The following CYP46A1 variants were observed in gnomAD, a reference collection of about 807,000 sequenced individuals.
The protein encoded by CYP46A1 is cytochrome P450 family 46 subfamily A member 1.
A neutral mutation model predicts 63.3 loss-of-function variants in CYP46A1; 20 were observed. The observed-to-expected ratio is 0.32, with a 90% confidence interval of 0.22 to 0.46. The LOEUF (loss-of-function observed/expected upper bound fraction) is 0.46. Ranked by LOEUF, CYP46A1 falls within the 20% of genes least tolerant of loss-of-function variation. The pLI, the probability that CYP46A1 is intolerant of heterozygous loss-of-function variation, is 1.00. For synonymous variants in CYP46A1, 268 were observed against 273.6 expected, an observed-to-expected ratio of 0.98 and a Z score of 0.20; for missense variants, 445 against 670.8, an observed-to-expected ratio of 0.66 and a Z score of 3.72.
intron 1 of CYP46A1, among the ~76,000 whole-genome samples, chr14:99,688,799 G>A (rs953258121): frequency 6.6e-6 from 1 of 151,972 alleles, no homozygotes; most frequent in Non-Finnish European, 1.5e-5. Context: ...CTTGCTGGGG[G>A]CTCGGTTCCC....
chr14:99,703,775 A>G, intron 5 of CYP46A1: 2 of 963,986 alleles, frequency 2.1e-6, no homozygotes, highest in Non-Finnish European at 2.5e-6. Flanking sequence ...TCCTGCGCCC[A>G]GCACCAGGCA....
At chr14:99,717,955 C>A (rs2056806531) in intron 9 of CYP46A1, 99 bp from the exon 10 acceptor site, 1 of 916,384 alleles carries the variant, frequency 1.1e-6, no homozygotes, top group Non-Finnish European at 1.7e-6. Context: ...GGGCACATGC[C>A]ATTTACATGC....
At chr14:99,720,632 T>A (rs2056837531) in intron 10 of CYP46A1, among the ~76,000 whole-genome samples, 1 of 152,062 alleles carries the variant, frequency 6.6e-6, no homozygotes, top group Admixed American at 6.5e-5. Context: ...CGAATTTTTG[T>A]ACTTTTAGTA....
At position 99,700,064 on chromosome 14, in the gene CYP46A1, A is replaced by G; in HGVS notation, c.406A>G (p.Lys136Glu). The stretch of plus-strand genomic sequence containing the variant: ...CGAATGCAACTATGAGCGCTGGCAC[A>G]AGCAGCGGAGAGTCATAGACCTGGC... ...VSECNYERWH[K>E]QRRVIDLAFS... is the part of the protein sequence containing the mutation. The change falls in exon 5 of 15, where the codon AAG becomes GAG. Residue 136 changes from lysine (K) to glutamate (E), a missense_variant. This residue lies in a region of CYP46A1 where 252 missense variants were observed against 383.3 expected (regional missense o/e 0.66). Coordinates refer to ENST00000261835, the MANE Select transcript of CYP46A1 (RefSeq NM_006668.2). The G allele has an allele frequency of 6.3e-7, 1 of 1,596,070 alleles. No individual in the cohort carries two copies. The highest frequency in any genetic ancestry group is 8.5e-7 in the Non-Finnish European group (1 of 1,169,868).
At position 99,691,792 on chromosome 14, in the gene CYP46A1, T is replaced by C. The variant is rs2056545731; in HGVS notation, c.213T>C (p.Tyr71=). The change falls in exon 3 of 15, where the codon TAT becomes TAC. Residue 71 remains tyrosine, a synonymous_variant. Coordinates refer to ENST00000261835, the MANE Select transcript of CYP46A1 (RefSeq NM_006668.2). The part of the protein sequence containing the change: ...QDVFLDWAKK[Y]GPVVRVNVFH... The stretch of plus-strand genomic sequence containing the variant: ...CTTTGGTTTCCAGGGCTAAGAAGTA[T>C]GGACCTGTTGTGCGGGTCAACGTCT... 6.2e-7 allele frequency: 1 copy of C among 1,614,214 alleles called. No homozygotes were observed. The highest frequency in any genetic ancestry group is 8.5e-7 in the Non-Finnish European group (1 of 1,180,034).
rs190681095 is a variant in CYP46A1 at position 99,721,139 on chromosome 14, G to A, written c.981-100G>A. The stretch of plus-strand genomic sequence containing the variant: ...TGTTTGTGAGTGGGGAGCCCCATGC[G>A]TCTCTCTTCACGCTTCCTTCCAGTG... On this transcript the variant is annotated intron_variant, in intron 10 of 14. Coordinates refer to ENST00000261835, the MANE Select transcript of CYP46A1 (RefSeq NM_006668.2). 458 of 808,212 alleles carry A rather than the reference G, an allele frequency of 5.7e-4. 2 individuals are homozygous for A. The East Asian group carries it at 0.011, about 19-fold the overall frequency. 50.1% of individuals were successfully genotyped at this position (808,212 alleles called of 1,614,324 possible).
chr14:99,693,176 T>G (rs1252130066), intron 3 of CYP46A1: 2 of 152,928 alleles, frequency 1.3e-5, no homozygotes, highest in African/African-American at 2.4e-5. Context: ...GCAGCAGATG[T>G]GTGGGGCAAT....
intron 5 of CYP46A1, among the ~76,000 whole-genome samples, chr14:99,700,646 T>A (rs2056623617): frequency 6.6e-6 from 1 of 152,234 alleles, no homozygotes; most frequent in South Asian, 2.1e-4. Context: ...CCTGCTGCAC[T>A]GCCAGTCATG....
chr14:99,711,813 C>G (rs2056734908), intron 7 of CYP46A1: 1 of 152,052 alleles, frequency 6.6e-6, no homozygotes, highest in African/African-American at 2.4e-5. Flanking sequence ...CACAAACAGA[C>G]AAGGACACAA....
intron 1 of CYP46A1, among the ~76,000 whole-genome samples, chr14:99,687,165 C>T (rs1595181632): frequency 6.6e-6 from 1 of 152,156 alleles, no homozygotes; most frequent in South Asian, 2.1e-4. Flanking sequence ...CCTACTGCAC[C>T]GATCCGTGTA....
At chr14:99,694,067 G>A (rs1190789454) in intron 3 of CYP46A1, among the ~76,000 whole-genome samples, 1 of 146,058 alleles carries the variant, frequency 6.8e-6, no homozygotes, top group South Asian at 2.3e-4. Flanking sequence ...TCATACATGT[G>A]TAATCATATG....
chr14:99,720,459 CTTT>C (rs34168201), intron 10 of CYP46A1, among the ~76,000 whole-genome samples: 3 of 127,348 alleles, frequency 2.4e-5, no homozygotes, highest in African/African-American at 3.0e-5. Flanking sequence ...CAGATCCACT[CTTT>C]TTTTTTTTTT....
rs578228164 is a variant in CYP46A1, at chr14:99,726,546, G to T, written c.1333-11G>T. The T allele has an allele frequency of 9.0e-6, 14 of 1,560,402 alleles. No homozygotes were observed. In the East Asian group the frequency reaches 2.1e-4, roughly 23 times the overall value. ...CCTTCATTCCTTCCTCATTTTGCCC[G>T]CTGGGCCCAGATGGAGGTGAAGGTG... is the stretch of plus-strand genomic sequence containing the variant. On this transcript the variant is annotated splice_polypyrimidine_tract_variant and intron_variant, in intron 14 of 14. Transcript: ENST00000261835.
At chr14:99,714,401 A>G (rs1020206279) in intron 7 of CYP46A1, among the ~76,000 whole-genome samples, 2 of 152,228 alleles carry the variant, frequency 1.3e-5, no homozygotes, top group Non-Finnish European at 2.9e-5. Context: ...ATATCAAAGG[A>G]ACACCTGCAC....
chr14:99,694,160 T>C (rs1164112324), intron 3 of CYP46A1, among the ~76,000 whole-genome samples: 1 of 152,244 alleles, frequency 6.6e-6, no homozygotes, highest in Non-Finnish European at 1.5e-5. Flanking sequence ...TTTCAGCATT[T>C]CCTTCTCTAG....
chr14:99,721,292 A>G lies in CYP46A1; in HGVS notation c.1034A>G (p.Glu345Gly), dbSNP rs1368920513. The G allele has an allele frequency of 6.2e-7, 1 of 1,613,916 alleles. No homozygotes were observed. ...GGTTCTAAGAGGTACCTGGATTTCG[A>G]GGACCTGGGGAGACTGCAGTACCTG... is the stretch of plus-strand genomic sequence containing the variant. ...VIGSKRYLDF[E>G]DLGRLQYLSQ... Residue 345 changes from glutamate to glycine, a missense_variant, in exon 11 of 15, where the codon GAG (glutamate) becomes GGG (glycine). Glu to Gly is a moderately conservative substitution (Grantham distance 98). Transcript: ENST00000261835.
At chr14:99,686,610 T>G (rs992392679) in intron 1 of CYP46A1, among the ~76,000 whole-genome samples, 2 of 152,358 alleles carry the variant, frequency 1.3e-5, no homozygotes, top group South Asian at 4.1e-4. Flanking sequence ...ATATGTGGCC[T>G]TTTGTGTCTG....
intron 3 of CYP46A1, among the ~76,000 whole-genome samples, chr14:99,695,745 C>T (rs1445540292): frequency 6.6e-6 from 1 of 151,810 alleles, no homozygotes; most frequent in Non-Finnish European, 1.5e-5. Context: ...ATTCTCCTGC[C>T]TCAGCCTCCC....
At chr14:99,702,276 A>G (rs1055174101) in intron 5 of CYP46A1, among the ~76,000 whole-genome samples, 1 of 152,148 alleles carries the variant, frequency 6.6e-6, no homozygotes, top group Non-Finnish European at 1.5e-5. Context: ...TGTCATCTAT[A>G]TTAATGCCTC....
Sources: allele counts gnomAD v4.1 joint callset (sites outside exome capture counted in the v4.1 genomes callset), GRCh38; gene constraint gnomAD v4.1.1; regional missense constraint gnomAD v4.1.1; transcripts MANE v1.5; gene names NCBI Gene and HGNC (gene_info 2026-07-23, HGNC 2026-07-21).